LZTS1: variants seen among roughly 807,000 people sequenced by gnomAD.
LZTS1 encodes the protein leucine zipper tumor suppressor 1.
A neutral mutation model predicts 45.8 loss-of-function variants in LZTS1; 31 were observed. That is an observed-to-expected ratio of 0.68 (90% CI 0.51 to 0.91). LZTS1 has a LOEUF of 0.91. Ranked by LOEUF, LZTS1 falls within the 40% of genes least tolerant of loss-of-function variation. The pLI is 0.00. For missense variants in LZTS1, 821 were observed against 788.9 expected (o/e 1.04, Z -0.49); for synonymous variants, 359 against 357.3 (o/e 1.00, Z -0.05).
Position 20,253,073 on chromosome 8 carries a change from C to G in LZTS1, c.858G>C (p.Glu286Asp), listed in dbSNP as rs763137550. The G allele has an allele frequency of 1.9e-6, 3 of 1,608,432 alleles. No individual in the cohort carries two copies. The African/African-American group carries it at 4.0e-5, about 21-fold the overall frequency. ...AGGCCAGGCTGGAGGCAAGCTCCTT[C>G]TCCTCAAAGCTGCGCTGCAGCTTCT... is the stretch of plus-strand genomic sequence containing the variant. ...ALQKLQRSFE[E>D]KELASSLAYE... Residue 286 changes from glutamate to aspartate, a missense_variant, in exon 3 of 4, where the codon GAG (glutamate) becomes GAC (aspartate). Transcript: ENST00000381569.
At chr8:20,294,668 C>G (rs1419229737) in intron 1 of LZTS1, among the ~76,000 whole-genome samples, 2 of 152,130 alleles carry the variant, frequency 1.3e-5, no homozygotes, top group Admixed American at 6.5e-5. Context: ...CCTCCCCTTG[C>G]ACTGTGGAAA....
At chr8:20,265,703 G>A (rs1168516758) in intron 1 of LZTS1, among the ~76,000 whole-genome samples, 125 of 45,136 alleles carry the variant, frequency 2.8e-3, no homozygotes, top group South Asian at 5.6e-3. Context: ...AAAAAAAAAA[G>A]GCAGGGGAGA....
intron 1 of LZTS1, among the ~76,000 whole-genome samples, chr8:20,261,652 T>G (rs2128894374): frequency 6.6e-6 from 1 of 152,118 alleles, no homozygotes; most frequent in East Asian, 1.9e-4. Context: ...AGGCATGGAG[T>G]TGCAAAGTGT....
intron 1 of LZTS1, among the ~76,000 whole-genome samples, chr8:20,297,405 G>GTT (rs1554556282): frequency 1.3e-5 from 2 of 151,826 alleles, no homozygotes; most frequent in African/African-American, 4.8e-5. Flanking sequence ...CTACTTTATT[G>GTT]TGTTTGTTTG....
intron 1 of LZTS1, among the ~76,000 whole-genome samples, chr8:20,259,196 A>C (rs1267774987): frequency 6.6e-6 from 1 of 152,142 alleles, no homozygotes; most frequent in Admixed American, 6.6e-5. Context: ...GTTTGATTTG[A>C]AAATCAATCT....
Position 20,249,219 on chromosome 8 carries a change from T to G in LZTS1, c.*503A>C, listed in dbSNP as rs1214455892. ...CAAAGCCAGCTTCCCCGCGGCTCAT[T>G]CCACCCCTACACCTCTGCGGCCAGA... On this transcript the variant is annotated 3_prime_UTR_variant, in exon 4 of 4. Transcript: ENST00000381569. 2.6e-5 allele frequency: 4 copies of G among 154,768 alleles called. No homozygotes were observed. Among genetic ancestry groups the G allele is most frequent in the African/African-American group, 9.6e-5 (4 of 41,590 alleles). 9.6% of individuals were successfully genotyped at this position (154,768 alleles called of 1,614,324 possible).
rs371381753 is a variant in LZTS1, at chr8:20,256,714, A to G, written c.-134-1399T>C. 5.0e-4 allele frequency among the ~76,000 whole-genome samples: 76 copies of G among 152,346 alleles called. 1 individual carries two copies. The South Asian group carries it at 9.7e-3, about 20-fold the overall frequency. On this transcript the variant is annotated intron_variant, in intron 1 of 3. Coordinates refer to ENST00000381569, the MANE Select transcript of LZTS1 (RefSeq NM_021020.5). ...TGAGCGAAAGAGAGGAGTCAGGGAC[A>G]ATGCCAAAGAGAGGAGTTTGGTTGA...
At chr8:20,279,525 C>T (rs1046630647) in intron 1 of LZTS1, among the ~76,000 whole-genome samples, 1 of 148,080 alleles carries the variant, frequency 6.8e-6, no homozygotes, top group Non-Finnish European at 1.5e-5. Flanking sequence ...CATAGTGAGA[C>T]CCCCCATGTC....
At chr8:20,260,315 G>T (rs1371934649) in intron 1 of LZTS1, among the ~76,000 whole-genome samples, 1 of 152,134 alleles carries the variant, frequency 6.6e-6, no homozygotes, top group African/African-American at 2.4e-5. Flanking sequence ...TGCAAATTTA[G>T]GGTTTATTGT....
In LZTS1 at chr8:20,251,098, A is replaced by AATAC. The variant is rs1367635822; in HGVS notation, c.1150-736_1150-735insGTAT. Among the ~76,000 whole-genome samples, 44 of 41,400 alleles carry AATAC rather than the reference A, an allele frequency of 1.1e-3. 1 individual carries two copies. The highest frequency in any genetic ancestry group is 3.0e-3 in the African/African-American group (44 of 14,908). The allele number at this position is 41,400 out of a possible 152,430, so 27.2% of individuals were successfully genotyped here. A position where few individuals can be genotyped will look rare whatever the true frequency, so the allele number is the denominator to read the frequency against. ...TGGTGAAGTGACCAGCCTGAGGGCT[A>AATAC]ATATATATATATATATATATATATA... On this transcript the variant is annotated intron_variant, in intron 3 of 3. Coordinates refer to ENST00000381569, the MANE Select transcript of LZTS1 (RefSeq NM_021020.5).
chr8:20,274,059 C>G (rs898516489), intron 1 of LZTS1, among the ~76,000 whole-genome samples: 1 of 152,144 alleles, frequency 6.6e-6, no homozygotes, highest in Non-Finnish European at 1.5e-5. Context: ...TCAGAAGGCA[C>G]TCTTCTGCTA....
At chr8:20,256,060 CAAAAAAAAAAAA>C (rs386412254) in intron 1 of LZTS1, among the ~76,000 whole-genome samples, 2 of 56,456 alleles carry the variant, frequency 3.5e-5, no homozygotes, top group African/African-American at 6.5e-5. Flanking sequence ...GGGCCTGACT[CAAAAAAAAAAAA>C]AAAAAAAAAA....
In LZTS1 at chr8:20,252,834, T is replaced by G. The variant is rs778071264; in HGVS notation, c.1097A>C (p.Tyr366Ser). 6.4e-7 allele frequency: 1 copy of G among 1,566,246 alleles called. No individual in the cohort carries two copies. The highest frequency in any genetic ancestry group is 1.2e-5 in the South Asian group (1 of 86,090). ...GCCGAAGCTGGTCTTCTCCCTCTCG[T>G]AGGACCTGAGCTTGGTCTCCAGCAG... ...QDLLETKLRS[Y>S]EREKTSFGPA... Residue 366 changes from tyrosine to serine, a missense_variant, in exon 3 of 4, where the codon TAC becomes TCC. Coordinates refer to ENST00000381569, the MANE Select transcript of LZTS1 (RefSeq NM_021020.5).
intron 1 of LZTS1, among the ~76,000 whole-genome samples, chr8:20,297,779 G>A (rs748715650): frequency 8.5e-5 from 13 of 152,160 alleles, no homozygotes; most frequent in Non-Finnish European, 1.8e-4. Context: ...AAGGGAGATG[G>A]GGGGTGAAGT....
At chr8:20,283,988 C>T (rs1177776530) in intron 1 of LZTS1, among the ~76,000 whole-genome samples, 1 of 152,180 alleles carries the variant, frequency 6.6e-6, no homozygotes, top group East Asian at 1.9e-4. Context: ...GTTGCCCAAG[C>T]AATAGATGCT....
chr8:20,303,346 C>A (rs1016151813), intron 1 of LZTS1, among the ~76,000 whole-genome samples: 3 of 152,166 alleles, frequency 2.0e-5, no homozygotes, highest in African/African-American at 7.2e-5. Context: ...CCTCTTCCTG[C>A]GGCCCCTGCT....
At chr8:20,286,022 C>T (rs946890754) in intron 1 of LZTS1, among the ~76,000 whole-genome samples, 11 of 152,164 alleles carry the variant, frequency 7.2e-5, no homozygotes, top group African/African-American at 2.7e-4. Context: ...ATTGTAGATA[C>T]AAATGCAAAA....
chr8:20,267,609 G>A (rs1467940262), intron 1 of LZTS1, among the ~76,000 whole-genome samples: 11 of 152,042 alleles, frequency 7.2e-5, no homozygotes, highest in Non-Finnish European at 1.6e-4. Context: ...TCTGCCTCCC[G>A]GGTTCAAGTG....
At chr8:20,286,955 G>A (rs188278763) in intron 1 of LZTS1, among the ~76,000 whole-genome samples, 1 of 152,258 alleles carries the variant, frequency 6.6e-6, no homozygotes, top group African/African-American at 2.4e-5. Context: ...AAGACAAGGG[G>A]TTTCCGGGGG....
Sources: allele counts gnomAD v4.1 joint callset (sites outside exome capture counted in the v4.1 genomes callset), GRCh38; gene constraint gnomAD v4.1.1; transcripts MANE v1.5; gene names NCBI Gene and HGNC (gene_info 2026-07-23, HGNC 2026-07-21).